Variants in SCAMP2 observed in about 807,000 individuals in gnomAD.
SCAMP2 encodes secretory carrier membrane protein 2, also known as secretory carrier-associated membrane protein 2.
Under a neutral mutation model 44.1 loss-of-function variants are expected in SCAMP2, and 25 were observed. That is an observed-to-expected ratio of 0.57 (90% CI 0.41 to 0.79). The LOEUF (loss-of-function observed/expected upper bound fraction) is 0.79. Ranked by LOEUF, SCAMP2 falls within the 30% of genes least tolerant of loss-of-function variation. The probability of loss-of-function intolerance (pLI) is 0.00; values close to 1 mark genes in which losing one functional copy is unlikely to be tolerated. For missense variants in SCAMP2, 355 were observed against 411.0 expected (o/e 0.86, Z 1.18); for synonymous variants, 156 against 166.0 (o/e 0.94, Z 0.46).
intron 1 of SCAMP2, among the ~76,000 whole-genome samples, chr15:74,868,943 G>A (rs1274816310): frequency 1.3e-5 from 2 of 152,128 alleles, no homozygotes; most frequent in African/African-American, 4.8e-5. Flanking sequence ...ATCACCTGAG[G>A]TCTGGAGTTC....
intron 1 of SCAMP2, among the ~76,000 whole-genome samples, chr15:74,855,108 T>A (rs1289083104): frequency 2.6e-5 from 4 of 151,950 alleles, no homozygotes. Context: ...TTTTTTATAT[T>A]TTTTTATTTT....
chr15:74,845,180 T>C lies in SCAMP2; in HGVS notation c.893A>G (p.Gln298Arg). 6.2e-7 allele frequency: 1 copy of C among 1,613,746 alleles called. No homozygotes were observed. The highest frequency in any genetic ancestry group is 8.5e-7 in the Non-Finnish European group (1 of 1,179,980). ...SLYRRTGASFQQAQEEFSQGI... is the reference protein window; with the variant it reads ...SLYRRTGASFRQAQEEFSQGI... The stretch of plus-strand genomic sequence containing the variant: ...CTGGGAAAACTCCTCCTGGGCCTGC[T>C]GGAAGCTGGCCCCTGTCCGTCGGTA... The change falls in exon 9 of 9, where the codon CAG becomes CGG. Residue 298 changes from glutamine (Q) to arginine (R), a missense_variant. Coordinates refer to ENST00000268099, the MANE Select transcript of SCAMP2 (RefSeq NM_005697.5).
chr15:74,858,466 A>G (rs918061536), intron 1 of SCAMP2, among the ~76,000 whole-genome samples: 17 of 152,138 alleles, frequency 1.1e-4, no homozygotes, highest in African/African-American at 2.7e-4. Context: ...TGGCTGAGAA[A>G]AGCTACAATA....
At chr15:74,867,212 G>A (rs967255482) in intron 1 of SCAMP2, among the ~76,000 whole-genome samples, 3 of 152,218 alleles carry the variant, frequency 2.0e-5, no homozygotes, top group South Asian at 2.1e-4. Flanking sequence ...GTGCACTAAC[G>A]TGAACATCTC....
chr15:74,850,287 C>G (rs1347473091), intron 6 of SCAMP2, among the ~76,000 whole-genome samples: 1 of 152,184 alleles, frequency 6.6e-6, no homozygotes, highest in Non-Finnish European at 1.5e-5. Flanking sequence ...TCTCCTGTGC[C>G]TGGTCCAAGG....
rs565245605 is a variant in SCAMP2, at chr15:74,871,922, G to A, written c.57+1277C>T. ...TAGCCGGGTGTGGTGGTGCACACCT[G>A]TAATCCCAGTTTCTCGGGAGGCTGA... On this transcript the variant is annotated intron_variant, in intron 1 of 8. Transcript: ENST00000268099. Among the ~76,000 whole-genome samples the A allele has an allele frequency of 1.0e-4, 15 of 149,832 alleles. No individual in the cohort carries two copies. The East Asian group carries it at 2.0e-3, about 20-fold the overall frequency.
chr15:74,854,527 C>T, intron 2 of SCAMP2, 54 bp downstream of exon 2: 1 of 1,468,028 alleles, frequency 6.8e-7, no homozygotes, highest in Non-Finnish European at 9.4e-7. Flanking sequence ...CCCCGGACAC[C>T]CCAGCACCAC....
intron 3 of SCAMP2, chr15:74,853,715 G>A: frequency 2.1e-6 from 1 of 470,976 alleles, no homozygotes; most frequent in Non-Finnish European, 3.9e-6. Flanking sequence ...CAAGCCAAAG[G>A]CCCGAGGAGG....
At chr15:74,845,665 C>A in intron 7 of SCAMP2, 72 bp from the exon 8 acceptor site, 1 of 1,571,920 alleles carries the variant, frequency 6.4e-7, no homozygotes, top group East Asian at 2.3e-5. Flanking sequence ...AGGGGCTCTT[C>A]TCCAAGTGGC....
chr15:74,873,251 G>A lies in SCAMP2; in HGVS notation c.5C>T (p.Ser2Leu). The A allele has an allele frequency of 6.8e-7, 1 of 1,472,582 alleles. No homozygotes were observed. Among genetic ancestry groups the A allele is most frequent in the East Asian group, 3.0e-5 (1 of 33,668 alleles). 91.2% of individuals were successfully genotyped at this position (1,472,582 alleles called of 1,614,324 possible). The part of the protein sequence containing the change: M[S>L]AFDTNPFADP... ...CGCGAAGGGGTTGGTGTCGAAAGCC[G>A]ACATGGTGATCGGGGGCCAGCGGGC... is the stretch of plus-strand genomic sequence containing the variant. Residue 2 changes from serine (S) to leucine (L), a missense_variant, in exon 1 of 9, where the codon TCG (serine) becomes TTG (leucine). Coordinates refer to ENST00000268099, the MANE Select transcript of SCAMP2 (RefSeq NM_005697.5).
At chr15:74,864,041 C>CTTTA (rs574683884) in intron 1 of SCAMP2, among the ~76,000 whole-genome samples, 4 of 152,116 alleles carry the variant, frequency 2.6e-5, no homozygotes, top group East Asian at 1.9e-4. Flanking sequence ...GCCACAGGAT[C>CTTTA]TTTATTTATT....
intron 7 of SCAMP2, among the ~76,000 whole-genome samples, chr15:74,846,926 G>A (rs189299796): frequency 1.3e-5 from 2 of 152,138 alleles, no homozygotes; most frequent in Admixed American, 6.6e-5. Flanking sequence ...GTCCTCATCT[G>A]TAAAAGGGAT....
chr15:74,845,368 G>A (rs1297791514), intron 8 of SCAMP2, 105 bp downstream of exon 8: 1 of 1,594,280 alleles, frequency 6.3e-7, no homozygotes, highest in Non-Finnish European at 8.6e-7. Flanking sequence ...GACCTTTGGG[G>A]GCCTAGGATG....
chr15:74,855,441 G>T (rs922913169), intron 1 of SCAMP2, among the ~76,000 whole-genome samples: 5 of 152,148 alleles, frequency 3.3e-5, no homozygotes, highest in South Asian at 2.1e-4. Context: ...AGGTAGCCGG[G>T]TGCAGTAGCT....
At chr15:74,868,516 AAACT>A (rs1325448973) in intron 1 of SCAMP2, among the ~76,000 whole-genome samples, 2 of 152,184 alleles carry the variant, frequency 1.3e-5, no homozygotes, top group Admixed American at 1.3e-4. Context: ...AGCCTTTAAC[AAACT>A]AACAGGCCTT....
In SCAMP2 at chr15:74,844,193, CG is replaced by C. The variant is rs2064365618; in HGVS notation, c.*889del. 1 of 93,680 alleles carries C rather than the reference CG, an allele frequency of 1.1e-5. No homozygotes were observed. Among genetic ancestry groups the C allele is most frequent in the African/African-American group, 3.9e-5 (1 of 25,462 alleles). The allele number at this position is 93,680 out of a possible 1,614,324, so 5.8% of individuals were successfully genotyped here. On this transcript the variant is annotated 3_prime_UTR_variant, in exon 9 of 9. Transcript: ENST00000268099. ...GGCAGAGACAAAGGCAGCCGTCCCT[CG>C]GTTCGGGGAGGGGGGGGGGTAGTCA...
chr15:74,871,251 C>T (rs1309666160), intron 1 of SCAMP2, among the ~76,000 whole-genome samples: 4 of 152,066 alleles, frequency 2.6e-5, no homozygotes, highest in Non-Finnish European at 4.4e-5. Context: ...ACCAGGATTT[C>T]GAGACCAGCT....
rs2064453214 is a variant in SCAMP2 at position 74,854,127 on chromosome 15, G to C, written c.127-8C>G. The C allele has an allele frequency of 6.2e-7, 1 of 1,611,250 alleles. No individual in the cohort carries two copies. The highest frequency in any genetic ancestry group is 1.3e-5 in the African/African-American group (1 of 74,868). On this transcript the variant is annotated splice_polypyrimidine_tract_variant and splice_region_variant and intron_variant, in intron 2 of 8. Transcript: ENST00000268099. Reference sequence around the variant, plus strand: ...TGTTGTCGCTGCATTTGTCTACATGGAACAAATCAAAAGACAGAATTGAGT... The same window carrying C: ...TGTTGTCGCTGCATTTGTCTACATGCAACAAATCAAAAGACAGAATTGAGT...
Position 74,844,831 on chromosome 15 carries a change from G to C in SCAMP2, c.*252C>G, listed in dbSNP as rs1001813679. 3.8e-5 allele frequency: 17 copies of C among 445,032 alleles called. No homozygotes were observed. In the East Asian group the frequency reaches 6.3e-4, roughly 17 times the overall value. The allele number at this position is 445,032 out of a possible 1,614,324, so 27.6% of individuals were successfully genotyped here. On this transcript the variant is annotated 3_prime_UTR_variant, in exon 9 of 9. Transcript: ENST00000268099. ...GAACTTCAGTCCCACTGCTTCCAGAGACAAAAGAATCCTACCAAACCATCA... is the reference window on the plus strand; with the variant it reads ...GAACTTCAGTCCCACTGCTTCCAGACACAAAAGAATCCTACCAAACCATCA...
Sources: allele counts gnomAD v4.1 joint callset (sites outside exome capture counted in the v4.1 genomes callset), GRCh38; gene constraint gnomAD v4.1.1; transcripts MANE v1.5; gene names NCBI Gene and HGNC (gene_info 2026-07-23, HGNC 2026-07-21).